NKAIN4: variants seen among roughly 807,000 people sequenced by gnomAD.
NKAIN4 encodes the protein sodium/potassium-transporting ATPase subunit beta-1-interacting protein 4.
Under a neutral mutation model 28.8 loss-of-function variants are expected in NKAIN4, and 28 were observed. The observed-to-expected ratio is 0.97, with a 90% CI of 0.72 to 1.33. The LOEUF is 1.33. Among genes scored for constraint, NKAIN4 ranks in the 40% most tolerant of loss-of-function variants. The probability of loss-of-function intolerance (pLI) is 0.00; values close to 1 mark genes in which losing one functional copy is unlikely to be tolerated. For missense variants in NKAIN4, 289 were observed against 277.2 expected (o/e 1.04, Z -0.30); for synonymous variants, 122 against 115.6 (o/e 1.06, Z -0.36).
rs1293562627 is a variant in NKAIN4 at position 63,240,882 on chromosome 20, TC to T, written c.*614del. 3 of 152,760 alleles carry T rather than the reference TC, an allele frequency of 2.0e-5. No homozygotes were observed. Among genetic ancestry groups the T allele is most frequent in the Non-Finnish European group, 4.4e-5 (3 of 68,456 alleles). The allele number at this position is 152,760 out of a possible 1,614,324, so 9.5% of individuals were successfully genotyped here. A position where few individuals can be genotyped will look rare whatever the true frequency, so the allele number is the denominator to read the frequency against. On this transcript the variant is annotated 3_prime_UTR_variant, in exon 7 of 7. Transcript: ENST00000370316. ...CCCCCTTTACAAGAGTACTGCCTGC[TC>T]GTCACCACCATGTGCCCTGCCCTAT... is the stretch of plus-strand genomic sequence containing the variant.
intron 1 of NKAIN4, chr20:63,253,834 T>TC: frequency 1.1e-5 from 1 of 90,732 alleles, no homozygotes; most frequent in Non-Finnish European, 2.3e-5. Flanking sequence ...CCGGGCGGAA[T>TC]GGGGGGCGGC....
At position 63,242,607 on chromosome 20, in the gene NKAIN4, T is replaced by C. The variant is rs763931932; in HGVS notation, c.549A>G (p.Gly183=). 25 of 1,612,534 alleles carry C rather than the reference T, an allele frequency of 1.6e-5. No individual in the cohort carries two copies. The Middle Eastern group carries it at 6.6e-4, about 43-fold the overall frequency. Residue 183 remains glycine (G), a synonymous_variant, in exon 6 of 7, where the codon GGA becomes GGG. Transcript: ENST00000370316. ...EEEDSFDFIG[G]FDPFPLYHVN... ...CATGGTAGAGAGGAAATGGATCAAA[T>C]CCACCAATGAAATCAACTGAAAGAA...
intron 4 of NKAIN4, 74 bp from the exon 5 acceptor site, chr20:63,244,158 C>G (rs1183389412): frequency 7.2e-7 from 1 of 1,388,042 alleles, no homozygotes; most frequent in Admixed American, 1.9e-5. Flanking sequence ...CGATGTGGGC[C>G]GAAGCACTGG....
chr20:63,244,767 A>C (rs2066825851), intron 4 of NKAIN4, among the ~76,000 whole-genome samples: 1 of 152,188 alleles, frequency 6.6e-6, no homozygotes, highest in African/African-American at 2.4e-5. Flanking sequence ...GGCTCTGGCA[A>C]AGGGGGGGCA....
chr20:63,242,639 A>G lies in NKAIN4; in HGVS notation c.533-16T>C. The G allele has an allele frequency of 6.3e-7, 1 of 1,593,052 alleles. No homozygotes were observed. Among genetic ancestry groups the G allele is most frequent in the South Asian group, 1.1e-5 (1 of 90,636 alleles). On this transcript the variant is annotated splice_polypyrimidine_tract_variant and intron_variant, in intron 5 of 6. Coordinates refer to ENST00000370316, the MANE Select transcript of NKAIN4 (RefSeq NM_152864.4). ...ATGAAATCAACTGAAAGAAATCAAG[A>G]CCCAAATAAAACAAAACCTACACAA...
At chr20:63,247,856 C>T (rs926975215) in intron 3 of NKAIN4, 81 bp from the exon 4 acceptor site, 3 of 1,400,842 alleles carry the variant, frequency 2.1e-6, no homozygotes, top group Admixed American at 3.2e-5. Context: ...GGGGACGCCA[C>T]CACACCGAGG....
At chr20:63,246,934 G>A (rs1472792886) in intron 4 of NKAIN4, 1 of 985,796 alleles carries the variant, frequency 1.0e-6, no homozygotes, top group Non-Finnish European at 1.2e-6. Context: ...GGCCATACCA[G>A]GAGCAGCATC....
rs780450370 is a variant in NKAIN4 at position 63,249,926 on chromosome 20, A to G, written c.192+9T>C. 5.6e-6 allele frequency: 9 copies of G among 1,610,758 alleles called. No homozygotes were observed. The highest frequency in any genetic ancestry group is 5.1e-6 in the Non-Finnish European group (6 of 1,178,744). ...CCTGCCCATAAAGAGGGCCGGGCCC[A>G]GGACTCACCACCATGACATAGCGCA... On this transcript the variant is annotated intron_variant, in intron 2 of 6. Coordinates refer to ENST00000370316, the MANE Select transcript of NKAIN4 (RefSeq NM_152864.4).
chr20:63,254,061 G>T, intron 1 of NKAIN4: 1 of 310,854 alleles, frequency 3.2e-6, no homozygotes, highest in Non-Finnish European at 6.1e-6. Flanking sequence ...GGCCACACAC[G>T]CCTCCCCAGG....
chr20:63,244,184 C>G, intron 4 of NKAIN4, 100 bp from the exon 5 acceptor site: 2 of 1,004,068 alleles, frequency 2.0e-6, no homozygotes, highest in Non-Finnish European at 3.0e-6. Flanking sequence ...CCCTGACCAC[C>G]AAGGCCCTGC....
intron 6 of NKAIN4, chr20:63,241,890 C>T: frequency 2.6e-6 from 1 of 389,070 alleles, no homozygotes; most frequent in Non-Finnish European, 5.0e-6. Context: ...CTTGAACGGC[C>T]CCTGCCGGGA....
rs1164324805 is a variant in NKAIN4 at position 63,247,770 on chromosome 20, G to T, written c.279C>A (p.Ser93Arg). 6.8e-7 allele frequency: 1 copy of T among 1,460,390 alleles called. No homozygotes were observed. The highest frequency in any genetic ancestry group is 9.1e-7 in the Non-Finnish European group (1 of 1,101,582). The allele number at this position is 1,460,390 out of a possible 1,614,324, so 90.5% of individuals were successfully genotyped here. The change falls in exon 4 of 7, where the codon AGC (serine) becomes AGA (arginine). Residue 93 changes from serine to arginine, a missense_variant. Coordinates refer to ENST00000370316, the MANE Select transcript of NKAIN4 (RefSeq NM_152864.4). ...YLEVGGLLKD[S>R]ELLTFSLSRH... Reference sequence around the variant, plus strand: ...GGGAGAGGCTGAAGGTCAGTAGCTCGCTGTCCTAGGGGAGAGGTGCAGGAG... The same window carrying T: ...GGGAGAGGCTGAAGGTCAGTAGCTCTCTGTCCTAGGGGAGAGGTGCAGGAG...
At chr20:63,248,222 GC>G (rs1461743842) in intron 3 of NKAIN4, 1 of 171,482 alleles carries the variant, frequency 5.8e-6, no homozygotes. Flanking sequence ...AGAGCAGAGA[GC>G]CCCTGGGGGA....
chr20:63,247,550 A>AC lies in NKAIN4; in HGVS notation c.471+27dup, dbSNP rs1049757749. The AC allele has an allele frequency of 7.8e-6, 12 of 1,543,686 alleles. No homozygotes were observed. In the African/African-American group the frequency reaches 9.6e-5, roughly 12 times the overall value. ...TCCCCTCCCCCATCAACCCATCCCC[A>AC]CCCGGGGGCCCCCTTCCCCACGCTC... On this transcript the variant is annotated intron_variant, in intron 4 of 6. Transcript: ENST00000370316.
At chr20:63,242,720 TCCCTGGGGGCACA>T in intron 5 of NKAIN4, 97 bp from the exon 6 acceptor site, 1 of 618,952 alleles carries the variant, frequency 1.6e-6, no homozygotes, top group South Asian at 1.5e-5. Flanking sequence ...GCCCAAGGGG[TCCCTGGGGGCACA>T]GACAGTGCCC....
intron 6 of NKAIN4, chr20:63,241,787 C>A: frequency 1.6e-6 from 1 of 626,862 alleles, no homozygotes; most frequent in Non-Finnish European, 3.0e-6. Flanking sequence ...CAGGGGTGTG[C>A]CTGGGTCCCT....
chr20:63,241,387 CT>C lies in NKAIN4; in HGVS notation c.*109del. The C allele has an allele frequency of 8.2e-7, 1 of 1,216,250 alleles. No individual in the cohort carries two copies. Among genetic ancestry groups the C allele is most frequent in the East Asian group, 2.5e-5 (1 of 39,218 alleles). The allele number at this position is 1,216,250 out of a possible 1,614,324, so 75.3% of individuals were successfully genotyped here. On this transcript the variant is annotated 3_prime_UTR_variant, in exon 7 of 7. Transcript: ENST00000370316. ...ACCCAGGGCAGGTGCTGCCGGCCGCCTGGGGGGTGCTGGGTGGGGGCGCGTC... is the reference window on the plus strand; with the variant it reads ...ACCCAGGGCAGGTGCTGCCGGCCGCCGGGGGGTGCTGGGTGGGGGCGCGTC...
Position 63,248,743 on chromosome 20 carries a change from CA to C in NKAIN4, c.273+71del, listed in dbSNP as rs2066903851. ...TCAGACGACAGATGAAAAGCAAACA[CA>C]GGGGGTGTTACCAGGGGCCCGGCCC... is the stretch of plus-strand genomic sequence containing the variant. On this transcript the variant is annotated intron_variant, in intron 3 of 6. Transcript: ENST00000370316. 1.6e-5 allele frequency: 15 copies of C among 963,392 alleles called. No individual in the cohort carries two copies. In the Admixed American group the frequency reaches 2.8e-4, roughly 18 times the overall value. 59.7% of individuals were successfully genotyped at this position (963,392 alleles called of 1,614,324 possible).
In NKAIN4 at chr20:63,241,436, A is replaced by C; in HGVS notation, c.*61T>G. 43 of 1,545,272 alleles carry C rather than the reference A, an allele frequency of 2.8e-5. No homozygotes were observed. The highest frequency in any genetic ancestry group is 3.8e-5 in the Non-Finnish European group (43 of 1,142,684). On this transcript the variant is annotated 3_prime_UTR_variant, in exon 7 of 7. Transcript: ENST00000370316. ...GTCCCAAGGCCTGGGAGCTCCTGTC[A>C]TTGTCACTGGTCGGTCGCTGAGGCT...
Sources: gnomAD v4.1 joint callset for allele counts (sites outside exome capture counted in the v4.1 genomes callset) on GRCh38, gnomAD v4.1.1 for gene constraint, MANE v1.5 for transcripts, NCBI Gene and HGNC (gene_info 2026-07-23, HGNC 2026-07-21) for gene names.